The following TIAM1 variants were observed in gnomAD, a reference collection of about 807,000 sequenced individuals.
TIAM1 encodes rho guanine nucleotide exchange factor TIAM1.
Under a neutral mutation model 163.5 loss-of-function variants are expected in TIAM1, and 65 were observed. The observed-to-expected ratio is 0.40, with a 90% confidence interval of 0.33 to 0.49. The LOEUF is 0.49. Ranked by LOEUF, TIAM1 falls within the 20% of genes least tolerant of loss-of-function variation. TIAM1 has a pLI of 0.77. For synonymous variants in TIAM1, 833 were observed against 810.1 expected, an observed-to-expected ratio of 1.03 and a Z score of -0.48; for missense variants, 1,789 against 2,044.7, an observed-to-expected ratio of 0.87 and a Z score of 2.41.
At position 31,120,408 on chromosome 21, in the gene TIAM1, T is replaced by C. The variant is rs763398777; in HGVS notation, c.4736A>G (p.Glu1579Gly). Reference sequence around the variant, plus strand: ...CAGTTTCCTGGAGGGGGCAAAGTCTTCACGCCTAACCCAAATGACTTCCTC... The same window carrying C: ...CAGTTTCCTGGAGGGGGCAAAGTCTCCACGCCTAACCCAAATGACTTCCTC... ...ASEEVIWVRR[E>G]DFAPSRKLNT... is the part of the protein sequence containing the mutation. Residue 1579 changes from glutamate (E) to glycine (G), a missense_variant, in exon 28 of 28, where the codon GAA (glutamate) becomes GGA (glycine). Around this residue, in one of 5 missense-constraint regions of TIAM1, gnomAD observed 415 missense variants for 439.2 expected, o/e 0.94. Coordinates refer to ENST00000541036, the MANE Select transcript of TIAM1 (RefSeq NM_001353694.2). This position sits in a 1 kb window ranked among gnomAD's most constrained non-coding sequence, Gnocchi z 4.2. 25 of 1,613,534 alleles carry C rather than the reference T, an allele frequency of 1.5e-5. No homozygotes were observed. Among genetic ancestry groups the C allele is most frequent in the Non-Finnish European group, 2.1e-5 (25 of 1,179,804 alleles).
intron 1 of TIAM1, among the ~76,000 whole-genome samples, chr21:31,490,744 T>C (rs1308060640): frequency 1.3e-5 from 2 of 152,134 alleles, no homozygotes; most frequent in Admixed American, 6.5e-5. Context: ...GGCCAACTGG[T>C]AGAAATGCCT....
chr21:31,516,724 T>A (rs1171000283), intron 1 of TIAM1, among the ~76,000 whole-genome samples: 3 of 147,120 alleles, frequency 2.0e-5, no homozygotes, highest in Non-Finnish European at 3.0e-5. Context: ...AGAATAAAAT[T>A]GAATAACAGG....
chr21:31,396,225 C>G (rs2077065873), intron 2 of TIAM1, among the ~76,000 whole-genome samples: 1 of 152,204 alleles, frequency 6.6e-6, no homozygotes, highest in African/African-American at 2.4e-5. Context: ...GCCCAAAATC[C>G]AAACAAGAAC....
intron 2 of TIAM1, among the ~76,000 whole-genome samples, chr21:31,335,695 A>C (rs2075815146): frequency 6.9e-6 from 1 of 144,442 alleles, no homozygotes; most frequent in Admixed American, 6.8e-5. Flanking sequence ...ACAGAGCGAG[A>C]CTCTGTCTCC....
intron 2 of TIAM1, among the ~76,000 whole-genome samples, chr21:31,299,967 C>T (rs1030788828): frequency 7.9e-5 from 12 of 152,150 alleles, no homozygotes; most frequent in Non-Finnish European, 2.9e-5. Context: ...CTCCAGTCTC[C>T]TGAGCTGACA....
At chr21:31,501,472 T>C (rs1295477085) in intron 1 of TIAM1, among the ~76,000 whole-genome samples, 2 of 152,166 alleles carry the variant, frequency 1.3e-5, no homozygotes, top group East Asian at 1.9e-4. Context: ...TTGGGCCTGA[T>C]TGACCAAAGT....
At chr21:31,557,990 A>T (rs1267740149) in intron 1 of TIAM1, among the ~76,000 whole-genome samples, 1 of 152,138 alleles carries the variant, frequency 6.6e-6, no homozygotes, top group East Asian at 1.9e-4. Flanking sequence ...TTTCCCCTGC[A>T]GCATCCCGCC....
chr21:31,365,198 AAAG>A (rs150757694), intron 2 of TIAM1, among the ~76,000 whole-genome samples: 3,178 of 152,230 alleles, frequency 0.021, 65 homozygotes, highest in Non-Finnish European at 0.028. Flanking sequence ...AGTGATCAGG[AAAG>A]AAGATCTCCC....
chr21:31,538,946 C>G (rs111810235), intron 1 of TIAM1, among the ~76,000 whole-genome samples: 1 of 152,202 alleles, frequency 6.6e-6, no homozygotes, highest in Non-Finnish European at 1.5e-5. Flanking sequence ...AATGGAAACA[C>G]CACATTTAAA....
At chr21:31,333,511 C>T (rs1048911096) in intron 2 of TIAM1, among the ~76,000 whole-genome samples, 1 of 152,148 alleles carries the variant, frequency 6.6e-6, no homozygotes, top group African/African-American at 2.4e-5. Context: ...AAACATGGCT[C>T]ACTGCAGCCT....
At chr21:31,555,908 G>C (rs543161088) in intron 1 of TIAM1, among the ~76,000 whole-genome samples, 1 of 152,098 alleles carries the variant, frequency 6.6e-6, no homozygotes, top group Admixed American at 6.6e-5. Flanking sequence ...AGGAATCTGG[G>C]GGGAAGGAGA....
intron 2 of TIAM1, among the ~76,000 whole-genome samples, chr21:31,404,647 C>A (rs915923655): frequency 2.0e-5 from 3 of 151,656 alleles, no homozygotes; most frequent in Admixed American, 1.3e-4. Context: ...GGATTACAGA[C>A]TTGAGCTACC....
chr21:31,212,476 G>A (rs185496792), intron 10 of TIAM1, among the ~76,000 whole-genome samples: 200 of 152,010 alleles, frequency 1.3e-3, no homozygotes, highest in African/African-American at 4.1e-3. Flanking sequence ...AACGAGAGAC[G>A]TCTATTTATT....
intron 1 of TIAM1, among the ~76,000 whole-genome samples, chr21:31,553,965 A>T (rs1234396183): frequency 6.6e-5 from 10 of 151,536 alleles, no homozygotes; most frequent in Non-Finnish European, 1.5e-5. Context: ...GCTCATTATT[A>T]CCCCTGCAGA....
intron 2 of TIAM1, among the ~76,000 whole-genome samples, chr21:31,431,212 G>A (rs1261872975): frequency 6.6e-6 from 1 of 152,038 alleles, no homozygotes; most frequent in African/African-American, 2.4e-5. Context: ...ATTCTGCACC[G>A]CCTTCAACTT....
intron 2 of TIAM1, among the ~76,000 whole-genome samples, chr21:31,365,613 G>A (rs941024171): frequency 6.6e-6 from 1 of 151,450 alleles, no homozygotes; most frequent in East Asian, 2.0e-4. Flanking sequence ...GGATGGTCTC[G>A]ATCTCCTGAC....
intron 7 of TIAM1, 46 bp downstream of exon 7, chr21:31,225,680 G>C (rs2087915370): frequency 7.9e-6 from 11 of 1,397,564 alleles, no homozygotes; most frequent in Non-Finnish European, 9.9e-6. Flanking sequence ...AACCCTTTTA[G>C]AGACCTAACA....
intron 12 of TIAM1, among the ~76,000 whole-genome samples, chr21:31,201,984 C>T (rs1403513686): frequency 6.6e-6 from 1 of 152,068 alleles, no homozygotes; most frequent in East Asian, 1.9e-4. Context: ...TAAGTATTAG[C>T]ATTTCATTTT....
intron 2 of TIAM1, among the ~76,000 whole-genome samples, chr21:31,380,645 T>C (rs1312226216): frequency 6.6e-6 from 1 of 152,190 alleles, no homozygotes; most frequent in Non-Finnish European, 1.5e-5. Context: ...GTATGAATTA[T>C]AGTTCAATAA....
Sources: gnomAD v4.1 joint callset for allele counts (sites outside exome capture counted in the v4.1 genomes callset) on GRCh38, gnomAD v4.1.1 for gene constraint, gnomAD v4.1.1 regional missense constraint, Gnocchi (gnomAD v3.1) non-coding constraint, MANE v1.5 for transcripts, NCBI Gene and HGNC (gene_info 2026-07-23, HGNC 2026-07-21) for gene names.